EPHB1: variants seen among roughly 807,000 people sequenced by gnomAD.
The protein encoded by EPHB1 is EPH receptor B1.
Under a neutral mutation model 94.4 loss-of-function variants are expected in EPHB1, and 30 were observed. That is an observed-to-expected ratio of 0.32 (90% CI 0.24 to 0.43). The LOEUF (loss-of-function observed/expected upper bound fraction) is 0.43. Among genes scored for constraint, EPHB1 ranks in the 20% least tolerant of loss-of-function variants. The pLI is 1.00. For missense variants in EPHB1, 1,055 were observed against 1,308.3 expected, an observed-to-expected ratio of 0.81 and a Z score of 2.99; for synonymous variants, 522 against 489.1, an observed-to-expected ratio of 1.07 and a Z score of -0.89.
intron 1 of EPHB1, among the ~76,000 whole-genome samples, chr3:134,797,093 G>C (rs1038720379): frequency 2.6e-5 from 4 of 152,200 alleles, no homozygotes; most frequent in Non-Finnish European, 4.4e-5. Flanking sequence ...GTGGCGGCGT[G>C]GGGGTGCGGC....
chr3:134,902,951 C>T (rs903866234), intron 1 of EPHB1, among the ~76,000 whole-genome samples: 3 of 152,210 alleles, frequency 2.0e-5, no homozygotes, highest in Admixed American at 6.5e-5. Flanking sequence ...TGCTCTTCAC[C>T]AGGCATCTGT....
In EPHB1 at chr3:134,811,242, G is replaced by GTTTTTTTTTTTTT. The variant is rs397966930; in HGVS notation, c.58+15562_58+15574dup. Among the ~76,000 whole-genome samples, 107 of 73,860 alleles carry GTTTTTTTTTTTTT rather than the reference G, an allele frequency of 1.4e-3. 9 individuals carry two copies. Among genetic ancestry groups the GTTTTTTTTTTTTT allele is most frequent in the Admixed American group, 1.8e-3 (9 of 4,984 alleles). 48.5% of individuals were successfully genotyped at this position (73,860 alleles called of 152,430 possible). ...TCTCATAGTTGCCCCTACTAAGAAG[G>GTTTTTTTTTTTTT]TTTTTTTTTTTTTTTTTTTTTCTGT... On this transcript the variant is annotated intron_variant, in intron 1 of 15. Coordinates refer to ENST00000398015, the MANE Select transcript of EPHB1 (RefSeq NM_004441.5).
intron 1 of EPHB1, among the ~76,000 whole-genome samples, chr3:134,858,550 GC>G (rs2037175161): frequency 6.6e-6 from 1 of 152,160 alleles, no homozygotes; most frequent in African/African-American, 2.4e-5. Context: ...TCCATCAGCA[GC>G]CCACAGAGCA....
chr3:135,176,321 T>C (rs1338668101), intron 9 of EPHB1, among the ~76,000 whole-genome samples: 1 of 152,200 alleles, frequency 6.6e-6, no homozygotes, highest in Non-Finnish European at 1.5e-5. Context: ...ACTTTTTCAG[T>C]TTCCCTTCTT....
At chr3:134,879,039 C>A (rs989278534) in intron 1 of EPHB1, among the ~76,000 whole-genome samples, 30 of 152,194 alleles carry the variant, frequency 2.0e-4, no homozygotes, top group African/African-American at 6.8e-4. Flanking sequence ...AAGGGGCATG[C>A]CACTCCATGT....
chr3:134,991,833 C>T (rs1194734040), intron 3 of EPHB1, among the ~76,000 whole-genome samples: 1 of 152,200 alleles, frequency 6.6e-6, no homozygotes, highest in Non-Finnish European at 1.5e-5. Flanking sequence ...GGGAGTCTTG[C>T]TGACCCCTCC....
At chr3:134,967,365 C>G (rs1258882457) in intron 3 of EPHB1, among the ~76,000 whole-genome samples, 1 of 152,098 alleles carries the variant, frequency 6.6e-6, no homozygotes. Context: ...CCCAAAAGTT[C>G]ATGGGTTTGA....
intron 12 of EPHB1, among the ~76,000 whole-genome samples, chr3:135,237,823 G>C (rs1489899484): frequency 6.6e-6 from 1 of 152,142 alleles, no homozygotes; most frequent in Non-Finnish European, 1.5e-5. Context: ...GGGGAGCTGG[G>C]GGCTCTTAGG....
intron 3 of EPHB1, among the ~76,000 whole-genome samples, chr3:135,079,211 C>G (rs1559821426): frequency 6.6e-6 from 1 of 152,266 alleles, no homozygotes; most frequent in African/African-American, 2.4e-5. Flanking sequence ...AGTAATAACC[C>G]AGAAGGCTAG....
intron 3 of EPHB1, among the ~76,000 whole-genome samples, chr3:135,095,626 C>T (rs1938729274): frequency 6.6e-6 from 1 of 152,158 alleles, no homozygotes; most frequent in African/African-American, 2.4e-5. Context: ...GACATGAGCT[C>T]AGGCTGCCCC....
At position 134,884,563 on chromosome 3, in the gene EPHB1, G is replaced by A. The variant is rs185726064; in HGVS notation, c.59-41253G>A. 2.4e-3 allele frequency among the ~76,000 whole-genome samples: 369 copies of A among 152,246 alleles called. 1 individual carries two copies. The highest frequency in any genetic ancestry group is 0.01 in the Middle Eastern group (3 of 294). ...ATTAGTTGGGATTCAAAGACTTAAT[G>A]AGCATCAGACACATTTCTGTTAGTT... On this transcript the variant is annotated intron_variant, in intron 1 of 15. Transcript: ENST00000398015.
chr3:134,972,228 C>T (rs1280094211), intron 3 of EPHB1, among the ~76,000 whole-genome samples: 1 of 151,848 alleles, frequency 6.6e-6, no homozygotes, highest in African/African-American at 2.4e-5. Flanking sequence ...CCTTCTTTTC[C>T]TTCTCCTTCA....
At chr3:135,049,718 C>A (rs547458573) in intron 3 of EPHB1, among the ~76,000 whole-genome samples, 3 of 152,278 alleles carry the variant, frequency 2.0e-5, no homozygotes, top group Non-Finnish European at 2.9e-5. Flanking sequence ...CTTTGGGGAC[C>A]AGGTTTTGAT....
chr3:135,128,556 G>A (rs144584522), intron 4 of EPHB1, among the ~76,000 whole-genome samples: 68 of 152,284 alleles, frequency 4.5e-4, no homozygotes, highest in African/African-American at 1.4e-3. Flanking sequence ...GCCCTGGAGC[G>A]GGCCTCATGG....
intron 3 of EPHB1, among the ~76,000 whole-genome samples, chr3:135,002,405 T>G (rs1013793843): frequency 1.3e-5 from 2 of 152,232 alleles, no homozygotes; most frequent in Non-Finnish European, 2.9e-5. Flanking sequence ...TTGGTGATAT[T>G]GGTCTAAAAT....
At chr3:134,911,283 G>A (rs1398178917) in intron 1 of EPHB1, among the ~76,000 whole-genome samples, 2 of 152,218 alleles carry the variant, frequency 1.3e-5, no homozygotes, top group Admixed American at 6.5e-5. Flanking sequence ...GCAGGGAAAT[G>A]GAGCAGGAAA....
At chr3:135,109,565 A>G (rs1193661352) in intron 4 of EPHB1, among the ~76,000 whole-genome samples, 1 of 152,230 alleles carries the variant, frequency 6.6e-6, no homozygotes, top group East Asian at 1.9e-4. Flanking sequence ...GATGTTGGAT[A>G]TCTGAAAATA....
At chr3:134,823,959 C>G (rs1006841434) in intron 1 of EPHB1, 3 of 152,128 alleles carry the variant, frequency 2.0e-5, no homozygotes, top group Admixed American at 2.0e-4. Context: ...CATCAGCCCT[C>G]CCCCTGCCCA....
intron 6 of EPHB1, among the ~76,000 whole-genome samples, chr3:135,155,781 CTT>C (rs1475367653): frequency 1.3e-5 from 1 of 79,098 alleles, no homozygotes; most frequent in African/African-American, 6.1e-5. Context: ...CAGAGCAAGA[CTT>C]TGTCAAAAAA....
Sources: allele counts gnomAD v4.1 joint callset (sites outside exome capture counted in the v4.1 genomes callset), GRCh38; gene constraint gnomAD v4.1.1; transcripts MANE v1.5; gene names NCBI Gene and HGNC (gene_info 2026-07-23, HGNC 2026-07-21).